COLGALT2: variants seen among roughly 807,000 people sequenced by gnomAD.
The protein encoded by COLGALT2 is collagen beta(1-O)galactosyltransferase 2, also known as procollagen galactosyltransferase 2.
COLGALT2 carries 49 observed loss-of-function variants against 73.4 expected under a neutral mutation model. That is an observed-to-expected ratio of 0.67 (90% CI 0.53 to 0.85). COLGALT2 has a LOEUF of 0.85. COLGALT2 is among the 40% of genes least tolerant of loss of function. The probability of loss-of-function intolerance (pLI) is 0.00; values close to 1 mark genes in which losing one functional copy is unlikely to be tolerated. For missense variants in COLGALT2, 722 were observed against 790.2 expected (o/e 0.91, Z 1.03); for synonymous variants, 295 against 307.6 (o/e 0.96, Z 0.43).
Position 183,969,391 on chromosome 1 carries a change from G to C in COLGALT2, c.710C>G (p.Ser237Cys), listed in dbSNP as rs1254885351. The change falls in exon 5 of 12, where the codon TCC becomes TGC. Residue 237 changes from serine (S) to cysteine (C), a missense_variant. Coordinates refer to ENST00000361927, the MANE Select transcript of COLGALT2 (RefSeq NM_015101.4). ...TGCFPVPMVH[S>C]TFLIDLRKEA... is the part of the protein sequence containing the mutation. Reference sequence around the variant, plus strand: ...CTTCCTGAGGTCAATTAGGAAGGTGGAGTGGACCATGGGGACGGGGAAGCA... The same window carrying C: ...CTTCCTGAGGTCAATTAGGAAGGTGCAGTGGACCATGGGGACGGGGAAGCA... The C allele has an allele frequency of 6.2e-7, 1 of 1,613,820 alleles. No homozygotes were observed. The highest frequency in any genetic ancestry group is 8.5e-7 in the Non-Finnish European group (1 of 1,179,908).
chr1:183,937,312 T>G lies in COLGALT2; in HGVS notation c.*1449A>C, dbSNP rs570075462. 5.6e-6 allele frequency: 6 copies of G among 1,067,920 alleles called. No homozygotes were observed. In the South Asian group the frequency reaches 2.3e-4, roughly 40 times the overall value. The allele number at this position is 1,067,920 out of a possible 1,614,324, so 66.2% of individuals were successfully genotyped here. A position where few individuals can be genotyped will look rare whatever the true frequency, so the allele number is the denominator to read the frequency against. ...TTTCTGGAGACAAAAATTTACAGAT[T>G]GAGGGCATGAGAACATAAACTTGAG... On this transcript the variant is annotated 3_prime_UTR_variant, in exon 12 of 12. Coordinates refer to ENST00000361927, the MANE Select transcript of COLGALT2 (RefSeq NM_015101.4).
rs112272501 is a variant in COLGALT2, at chr1:184,037,662, A to G, written c.-305T>C. 11 of 1,027,816 alleles carry G rather than the reference A, an allele frequency of 1.1e-5. No homozygotes were observed. Among genetic ancestry groups the G allele is most frequent in the African/African-American group, 8.5e-5 (5 of 58,626 alleles). The allele number at this position is 1,027,816 out of a possible 1,614,324, so 63.7% of individuals were successfully genotyped here. On this transcript the variant is annotated 5_prime_UTR_variant, in exon 1 of 12. Coordinates refer to ENST00000361927, the MANE Select transcript of COLGALT2 (RefSeq NM_015101.4). ...GCTGTGTGCCCTGAGTCCTGAGGAA[A>G]GTTCCTCTAGTCCAGGTTCCGCTCG...
Position 183,940,468 on chromosome 1 carries a change from T to C in COLGALT2, c.1604+113A>G, listed in dbSNP as rs904281373. The C allele has an allele frequency of 1.3e-4, 122 of 953,142 alleles. 1 individual carries two copies. Among genetic ancestry groups the C allele is most frequent in the Non-Finnish European group, 5.0e-5 (30 of 598,544 alleles). The allele number at this position is 953,142 out of a possible 1,614,324, so 59.0% of individuals were successfully genotyped here. A position where few individuals can be genotyped will look rare whatever the true frequency, so the allele number is the denominator to read the frequency against. The stretch of plus-strand genomic sequence containing the variant: ...TCTCTTAATCATAATTATGAGAAGA[T>C]CATTTAGGAAAGCAGTACAACTTTA... On this transcript the variant is annotated intron_variant, in intron 11 of 11. Transcript: ENST00000361927.
At chr1:183,997,992 T>C (rs1671815667) in intron 1 of COLGALT2, among the ~76,000 whole-genome samples, 1 of 152,248 alleles carries the variant, frequency 6.6e-6, no homozygotes, top group African/African-American at 2.4e-5. Context: ...ACGTATCCCC[T>C]GCTGTATATG....
chr1:184,036,369 A>C (rs1421691293), intron 1 of COLGALT2, among the ~76,000 whole-genome samples: 1 of 152,166 alleles, frequency 6.6e-6, no homozygotes, highest in Non-Finnish European at 1.5e-5. Context: ...CGGGGACAAA[A>C]CTTGGCTGTT....
chr1:184,034,619 TG>T (rs1428967449), intron 1 of COLGALT2, among the ~76,000 whole-genome samples: 2 of 152,242 alleles, frequency 1.3e-5, no homozygotes, highest in African/African-American at 4.8e-5. Flanking sequence ...AGAATATGCT[TG>T]TACAGCCTCT....
chr1:184,019,680 C>T (rs571128786), intron 1 of COLGALT2, among the ~76,000 whole-genome samples: 1 of 152,152 alleles, frequency 6.6e-6, no homozygotes, highest in African/African-American at 2.4e-5. Flanking sequence ...AAACCCAAAA[C>T]AAATTGCTCT....
Position 183,938,410 on chromosome 1 carries a change from G to A in COLGALT2, c.*351C>T. ...ACATATTTGCTGATGTGACAGCTCG[G>A]TGATCACTTTCTCTTGAACAAGACT... On this transcript the variant is annotated 3_prime_UTR_variant, in exon 12 of 12. Transcript: ENST00000361927. The A allele has an allele frequency of 1.9e-6, 2 of 1,080,802 alleles. No individual in the cohort carries two copies. Among genetic ancestry groups the A allele is most frequent in the Non-Finnish European group, 2.2e-6 (2 of 889,640 alleles). 67.0% of individuals were successfully genotyped at this position (1,080,802 alleles called of 1,614,324 possible). A position where few individuals can be genotyped will look rare whatever the true frequency, so the allele number is the denominator to read the frequency against.
Position 183,982,787 on chromosome 1 carries a change from G to A in COLGALT2, c.264-4267C>T, listed in dbSNP as rs144249840. ...ACTGCACTCCAGCCTGGGCAACATAGTGAGACCCCATCTCTTAAAAAAAAT... is the reference window on the plus strand; with the variant it reads ...ACTGCACTCCAGCCTGGGCAACATAATGAGACCCCATCTCTTAAAAAAAAT... On this transcript the variant is annotated intron_variant, in intron 1 of 11. Coordinates refer to ENST00000361927, the MANE Select transcript of COLGALT2 (RefSeq NM_015101.4). Among the ~76,000 whole-genome samples, 926 of 152,222 alleles carry A rather than the reference G, an allele frequency of 6.1e-3. 6 individuals are homozygous for A. Among genetic ancestry groups the A allele is most frequent in the African/African-American group, 0.021 (878 of 41,534 alleles).
chr1:184,021,872 T>C (rs1209224051), intron 1 of COLGALT2, among the ~76,000 whole-genome samples: 1 of 152,216 alleles, frequency 6.6e-6, no homozygotes, highest in Non-Finnish European at 1.5e-5. Flanking sequence ...AACAAGTATT[T>C]GGAAGCAAGT....
intron 1 of COLGALT2, among the ~76,000 whole-genome samples, chr1:184,013,414 A>AGGTGT (rs1316368943): frequency 1.3e-5 from 2 of 152,212 alleles, no homozygotes; most frequent in Non-Finnish European, 2.9e-5. Flanking sequence ...TACTCAAAGA[A>AGGTGT]GGTGTGGTCT....
intron 1 of COLGALT2, among the ~76,000 whole-genome samples, chr1:184,019,982 A>T (rs961384938): frequency 2.6e-5 from 4 of 152,246 alleles, no homozygotes; most frequent in Non-Finnish European, 5.9e-5. Flanking sequence ...GCTGTAAGTA[A>T]GAAAAGAGAT....
At position 183,978,652 on chromosome 1, in the gene COLGALT2, C is replaced by T. The variant is rs1671273172; in HGVS notation, c.264-132G>A. The T allele has an allele frequency of 9.0e-6, 5 of 558,196 alleles. No homozygotes were observed. In the Admixed American group the frequency reaches 1.0e-4, roughly 11 times the overall value. The allele number at this position is 558,196 out of a possible 1,614,324, so 34.6% of individuals were successfully genotyped here. On this transcript the variant is annotated intron_variant, in intron 1 of 11. Transcript: ENST00000361927. Reference sequence around the variant, plus strand: ...AAAAATTGTATATATGAAAATAATTCCCTCATAGTCCAAACTAGACAATAA... The same window carrying T: ...AAAAATTGTATATATGAAAATAATTTCCTCATAGTCCAAACTAGACAATAA...
chr1:184,018,611 C>A (rs945248056), intron 1 of COLGALT2, among the ~76,000 whole-genome samples: 2 of 152,022 alleles, frequency 1.3e-5, no homozygotes, highest in African/African-American at 4.8e-5. Context: ...ACACTATAAA[C>A]TTTTTTCAGA....
chr1:184,036,074 T>C (rs1007633238), intron 1 of COLGALT2, among the ~76,000 whole-genome samples: 4 of 152,144 alleles, frequency 2.6e-5, no homozygotes, highest in African/African-American at 9.7e-5. Flanking sequence ...AAGACAGAAA[T>C]TGCTCCAGAG....
At chr1:183,961,534 T>C (rs182507315) in intron 6 of COLGALT2, among the ~76,000 whole-genome samples, 171 of 152,274 alleles carry the variant, frequency 1.1e-3, no homozygotes, top group African/African-American at 3.9e-3. Context: ...CAACACCTCA[T>C]TATTTTATGG....
intron 1 of COLGALT2, among the ~76,000 whole-genome samples, chr1:184,018,479 A>G (rs1170643877): frequency 3.3e-5 from 5 of 152,204 alleles, no homozygotes; most frequent in Admixed American, 2.6e-4. Context: ...CACATAAAGA[A>G]TTCCATTCCC....
intron 1 of COLGALT2, among the ~76,000 whole-genome samples, chr1:183,984,257 T>A (rs555441317): frequency 1.9e-4 from 29 of 152,186 alleles, no homozygotes; most frequent in African/African-American, 6.5e-4. Flanking sequence ...ATACAAAAAT[T>A]AACCAGGCGT....
At chr1:183,993,812 TC>T (rs930775515) in intron 1 of COLGALT2, among the ~76,000 whole-genome samples, 1 of 151,204 alleles carries the variant, frequency 6.6e-6, no homozygotes, top group African/African-American at 2.4e-5. Context: ...TTATTTTCAT[TC>T]CCACATCCTG....
Sources: allele counts gnomAD v4.1 joint callset (sites outside exome capture counted in the v4.1 genomes callset), GRCh38; gene constraint gnomAD v4.1.1; transcripts MANE v1.5; gene names NCBI Gene and HGNC (gene_info 2026-07-23, HGNC 2026-07-21).